Variants in CTNNA3 observed in about 807,000 individuals in gnomAD.
The protein encoded by CTNNA3 is catenin alpha 3, also known as catenin alpha-3.
Under a neutral mutation model 95.7 loss-of-function variants are expected in CTNNA3, and 76 were observed. That is an observed-to-expected ratio of 0.79 (90% confidence interval 0.66 to 0.96). CTNNA3 has a LOEUF of 0.96. Ranked by LOEUF, CTNNA3 falls within the 40% of genes least tolerant of loss-of-function variation. The probability of loss-of-function intolerance (pLI) is 0.00; values close to 1 mark genes in which losing one functional copy is unlikely to be tolerated. For synonymous variants in CTNNA3, 431 were observed against 374.4 expected (o/e 1.15, Z -1.74); for missense variants, 1,191 against 1,089.8 (o/e 1.09, Z -1.31).
At chr10:67,180,127 C>T (rs1440865097) in intron 7 of CTNNA3, among the ~76,000 whole-genome samples, 190 bp downstream of exon 7, 2 of 152,152 alleles carry the variant, frequency 1.3e-5, no homozygotes, top group Admixed American at 6.5e-5. Context: ...GTTCTGATCT[C>T]ATCCCTAGAA....
At chr10:66,039,229 C>T (rs2079630875) in intron 15 of CTNNA3, among the ~76,000 whole-genome samples, 1 of 152,088 alleles carries the variant, frequency 6.6e-6, no homozygotes, top group Admixed American at 6.6e-5. Context: ...CGAAATGCTG[C>T]TCAAAGAAAT....
At chr10:67,374,395 G>T (rs1843612651) in intron 5 of CTNNA3, among the ~76,000 whole-genome samples, 1 of 146,078 alleles carries the variant, frequency 6.8e-6, no homozygotes, top group African/African-American at 2.5e-5. Flanking sequence ...AGGTATGTAA[G>T]ATTTCCATCT....
chr10:65,928,940 T>C (rs1325469757), intron 17 of CTNNA3, among the ~76,000 whole-genome samples: 1 of 152,182 alleles, frequency 6.6e-6, no homozygotes, highest in Non-Finnish European at 1.5e-5. Flanking sequence ...GTTAGTTACA[T>C]ATGTATACAT....
intron 13 of CTNNA3, among the ~76,000 whole-genome samples, chr10:66,196,421 C>T (rs913016705): frequency 5.9e-5 from 9 of 152,276 alleles, no homozygotes; most frequent in African/African-American, 2.2e-4. Flanking sequence ...CAGGAAAAGA[C>T]CCAACTGGTT....
intron 7 of CTNNA3, among the ~76,000 whole-genome samples, chr10:66,878,183 C>T (rs1004232091): frequency 6.6e-6 from 1 of 152,106 alleles, no homozygotes; most frequent in Non-Finnish European, 1.5e-5. Flanking sequence ...ATATCAAATC[C>T]TATCTTCCAC....
chr10:66,218,163 G>A (rs541515556), intron 13 of CTNNA3, among the ~76,000 whole-genome samples: 12 of 152,120 alleles, frequency 7.9e-5, no homozygotes, highest in African/African-American at 2.2e-4. Flanking sequence ...CAATGTGTCC[G>A]CATGCCTAAA....
intron 11 of CTNNA3, among the ~76,000 whole-genome samples, chr10:66,450,395 T>C (rs933331979): frequency 6.6e-6 from 1 of 152,112 alleles, no homozygotes; most frequent in Non-Finnish European, 1.5e-5. Flanking sequence ...GTTGTTCTGT[T>C]TCCCTTGTAT....
Position 67,089,027 on chromosome 10 carries a change from A to C in CTNNA3, c.1047+91290T>G, listed in dbSNP as rs553621393. On this transcript the variant is annotated intron_variant, in intron 7 of 17. Transcript: ENST00000433211. ...GTATTAGGTATTATGAGTAATCTAC[A>C]GGTGATTTTAAATATATGGGAGGAT... is the stretch of plus-strand genomic sequence containing the variant. Among the ~76,000 whole-genome samples the C allele has an allele frequency of 4.6e-5, 7 of 152,174 alleles. No individual in the cohort carries two copies. In the South Asian group the frequency reaches 1.4e-3, roughly 31 times the overall value.
At position 67,606,972 on chromosome 10, in the gene CTNNA3, TAGA is replaced by T. The variant is rs773028684; in HGVS notation, c.174_176del (p.Leu59del). 116 of 1,613,720 alleles carry T rather than the reference TAGA, an allele frequency of 7.2e-5. No homozygotes were observed. The highest frequency in any genetic ancestry group is 9.5e-5 in the Non-Finnish European group (112 of 1,179,716). The stretch of plus-strand genomic sequence containing the variant: ...TCCAAGTTGCTTCCTCCACAGAAGC[TAGA>T]AGGACACTGGCTCTTTTCGAACGTC... On this transcript the variant is annotated inframe_deletion, in exon 3 of 18. Coordinates refer to ENST00000433211, the MANE Select transcript of CTNNA3 (RefSeq NM_013266.4).
intron 7 of CTNNA3, among the ~76,000 whole-genome samples, chr10:67,103,468 G>A (rs1858456373): frequency 6.6e-6 from 1 of 151,798 alleles, no homozygotes; most frequent in South Asian, 2.1e-4. Flanking sequence ...CTGAAAAGCT[G>A]GAAGTGGGGA....
intron 14 of CTNNA3, among the ~76,000 whole-genome samples, chr10:66,098,512 C>T (rs72793477): frequency 0.046 from 6,948 of 152,204 alleles, 221 homozygotes; most frequent in East Asian, 0.18. Flanking sequence ...CAGTATCAGG[C>T]ACTGCTCTGT....
intron 9 of CTNNA3, among the ~76,000 whole-genome samples, chr10:66,640,288 C>T (rs1328096704): frequency 1.3e-5 from 2 of 152,088 alleles, no homozygotes; most frequent in Non-Finnish European, 2.9e-5. Flanking sequence ...ATGGCATAGT[C>T]GTTCACTAGG....
chr10:66,154,970 G>A (rs565871643), intron 13 of CTNNA3, among the ~76,000 whole-genome samples: 1 of 151,400 alleles, frequency 6.6e-6, no homozygotes, highest in Non-Finnish European at 1.5e-5. Context: ...TGGGCTTTGT[G>A]AGGCATACAA....
chr10:66,688,072 T>C (rs1232437953), intron 9 of CTNNA3, among the ~76,000 whole-genome samples: 3 of 152,008 alleles, frequency 2.0e-5, no homozygotes, highest in Non-Finnish European at 4.4e-5. Context: ...AAAGTAAAAA[T>C]ATATAAAATC....
chr10:66,373,363 A>G (rs10740241), intron 12 of CTNNA3, among the ~76,000 whole-genome samples: 137,991 of 152,090 alleles, frequency 0.91, 62,802 homozygotes, highest in East Asian at 1. Flanking sequence ...CAGAAAATAG[A>G]TTTTTCCACT....
chr10:67,717,094 A>T (rs553151157), intron 1 of CTNNA3, among the ~76,000 whole-genome samples: 1 of 151,930 alleles, frequency 6.6e-6, no homozygotes, highest in East Asian at 1.9e-4. Context: ...TTTTTTTCAC[A>T]TGTTTGTTGG....
At chr10:67,143,388 T>G (rs1211661718) in intron 7 of CTNNA3, among the ~76,000 whole-genome samples, 1 of 129,850 alleles carries the variant, frequency 7.7e-6, no homozygotes. Context: ...CGCCACTCAC[T>G]ACACTCCAGC....
chr10:66,561,295 G>A (rs902841595), intron 10 of CTNNA3, among the ~76,000 whole-genome samples: 2 of 152,026 alleles, frequency 1.3e-5, no homozygotes, highest in Non-Finnish European at 2.9e-5. Context: ...GAGAGGGCAA[G>A]ACAATGGGCA....
rs186522347 is a variant in CTNNA3 at position 66,915,894 on chromosome 10, G to A, written c.1048-140370C>T. Among the ~76,000 whole-genome samples the A allele has an allele frequency of 3.3e-3, 508 of 151,774 alleles. 2 individuals carry two copies. Among genetic ancestry groups the A allele is most frequent in the Middle Eastern group, 0.014 (4 of 294 alleles). On this transcript the variant is annotated intron_variant, in intron 7 of 17. Transcript: ENST00000433211. Reference sequence around the variant, plus strand: ...ATCCTGAGTAGCTGGGACTACAGGCGCCTGCCACCACGCCCAGATAATTGT... The same window carrying A: ...ATCCTGAGTAGCTGGGACTACAGGCACCTGCCACCACGCCCAGATAATTGT...
Sources: gnomAD v4.1 joint callset for allele counts (sites outside exome capture counted in the v4.1 genomes callset) on GRCh38, gnomAD v4.1.1 for gene constraint, MANE v1.5 for transcripts, NCBI Gene and HGNC (gene_info 2026-07-23, HGNC 2026-07-21) for gene names.